FRMPD4: variants seen among roughly 807,000 people sequenced by gnomAD.
FRMPD4 encodes the protein FERM and PDZ domain-containing protein 4.
FRMPD4 carries 22 observed loss-of-function variants against 94.1 expected under a neutral mutation model. The observed-to-expected ratio is 0.23, with a 90% CI of 0.17 to 0.33. FRMPD4 has a LOEUF of 0.33. FRMPD4 is among the 10% of genes least tolerant of loss of function. FRMPD4 has a pLI of 1.00. For synonymous variants in FRMPD4, 631 were observed against 548.6 expected (o/e 1.15, Z -2.10); for missense variants, 1,111 against 1,339.9 (o/e 0.83, Z 2.67).
At position 12,675,639 on chromosome X, in the gene FRMPD4, A is replaced by G. The variant is rs2059891716; in HGVS notation, c.468+731A>G. Among the ~76,000 whole-genome samples the G allele has an allele frequency of 2.7e-5, 3 of 111,044 alleles. 1 individual carries two copies. The highest frequency in any genetic ancestry group is 4.6e-3 in the Middle Eastern group (1 of 217). ...CACACTCAGTCCTAGGCAACCGCTA[A>G]TTTCCTTTCTATTTGTATAGACTTG... On this transcript the variant is annotated intron_variant, in intron 5 of 16. Transcript: ENST00000675598.
intron 4 of FRMPD4, among the ~76,000 whole-genome samples, chrX:12,640,296 C>CA (rs1157854116): frequency 0.52 from 12,236 of 23,624 alleles, 3,742 homozygotes; most frequent in Non-Finnish European, 0.63. Context: ...GAGGCTGTCT[C>CA]AAAAAAAAAA....
intron 3 of FRMPD4, among the ~76,000 whole-genome samples, chrX:11,901,167 G>C (rs767224797): frequency 3.6e-5 from 4 of 111,397 alleles, no homozygotes; most frequent in Non-Finnish European, 7.5e-5. Flanking sequence ...AAGTTCAGTG[G>C]TTATTTGTGA....
intron 3 of FRMPD4, among the ~76,000 whole-genome samples, chrX:11,950,094 G>C (rs1223915553): frequency 3.6e-5 from 4 of 111,170 alleles, no homozygotes; most frequent in Non-Finnish European, 7.5e-5. Context: ...TTGGATCATG[G>C]GGATGTTTTT....
chrX:12,569,577 A>G (rs142275867), intron 2 of FRMPD4, among the ~76,000 whole-genome samples: 4,499 of 111,933 alleles, frequency 0.04, 216 homozygotes, highest in African/African-American at 0.14. Context: ...AAATAGTTTT[A>G]AAAAACCACA....
At chrX:12,221,800 G>T (rs2056871417) in intron 1 of FRMPD4, among the ~76,000 whole-genome samples, 1 of 111,868 alleles carries the variant, frequency 8.9e-6, no homozygotes, top group Admixed American at 9.5e-5. Context: ...GCTGGGTGGA[G>T]ATGCCTGTGC....
At chrX:12,464,440 T>G (rs1158363667) in intron 1 of FRMPD4, among the ~76,000 whole-genome samples, 2 of 112,623 alleles carry the variant, frequency 1.8e-5, no homozygotes, top group African/African-American at 6.4e-5. Flanking sequence ...TCTACTGTTG[T>G]CCTTTTACCA....
At chrX:12,128,013 G>A (rs1264339129) in intron 3 of FRMPD4, among the ~76,000 whole-genome samples, 2 of 112,773 alleles carry the variant, frequency 1.8e-5, no homozygotes, top group Admixed American at 1.9e-4. Context: ...GCTTTGCAAG[G>A]CACAGCCACC....
At chrX:11,926,773 G>A (rs2054091073) in intron 3 of FRMPD4, among the ~76,000 whole-genome samples, 1 of 111,289 alleles carries the variant, frequency 9.0e-6, no homozygotes, top group Non-Finnish European at 1.9e-5. Flanking sequence ...TAACAGCCAC[G>A]TAGGACAAAC....
intron 1 of FRMPD4, among the ~76,000 whole-genome samples, chrX:12,265,485 G>A (rs1376465242): frequency 8.9e-6 from 1 of 111,923 alleles, no homozygotes; most frequent in Non-Finnish European, 1.9e-5. Context: ...ATGACAGTGA[G>A]CCTTTTCTAG....
rs1410198641 is a variant in FRMPD4 at position 12,230,998 on chromosome X, A to G, written c.41+91986A>G. 1.7e-4 allele frequency among the ~76,000 whole-genome samples: 10 copies of G among 59,022 alleles called. 1 individual carries two copies. The highest frequency in any genetic ancestry group is 6.2e-5 in the Non-Finnish European group (2 of 32,205). 51.3% of individuals were successfully genotyped at this position (59,022 alleles called of 115,157 possible). A position where few individuals can be genotyped will look rare whatever the true frequency, so the allele number is the denominator to read the frequency against. On this transcript the variant is annotated intron_variant, in intron 1 of 16. Transcript: ENST00000675598. ...GTAATATATATAGTATATATAGTATATATAATATATAGTATATATAGTATA... is the reference window on the plus strand; with the variant it reads ...GTAATATATATAGTATATATAGTATGTATAATATATAGTATATATAGTATA...
At chrX:11,950,223 G>A (rs944972565) in intron 3 of FRMPD4, among the ~76,000 whole-genome samples, 1 of 111,971 alleles carries the variant, frequency 8.9e-6, no homozygotes, top group Non-Finnish European at 1.9e-5. Context: ...GAAGGTGCCT[G>A]CTTCTCCTTT....
At chrX:11,961,172 G>C (rs1441036263) in intron 3 of FRMPD4, among the ~76,000 whole-genome samples, 4 of 111,998 alleles carry the variant, frequency 3.6e-5, no homozygotes, top group African/African-American at 1.3e-4. Flanking sequence ...AAACCCTGAA[G>C]CTGGGCCTAC....
At chrX:12,286,483 A>G (rs998546511) in intron 1 of FRMPD4, among the ~76,000 whole-genome samples, 2 of 111,967 alleles carry the variant, frequency 1.8e-5, no homozygotes, top group African/African-American at 6.5e-5. Flanking sequence ...GAATTCTATG[A>G]TTTCTGTGAT....
chrX:11,877,622 T>A (rs1233502683), intron 2 of FRMPD4, among the ~76,000 whole-genome samples: 1 of 112,031 alleles, frequency 8.9e-6, no homozygotes, highest in Non-Finnish European at 1.9e-5. Flanking sequence ...AAATAAGTAG[T>A]CTGTACATCT....
chrX:12,106,451 T>G (rs2177931), intron 3 of FRMPD4, among the ~76,000 whole-genome samples: 25,169 of 109,588 alleles, frequency 0.23, 2,175 homozygotes, highest in South Asian at 0.37. Context: ...TAGGAACAGC[T>G]CCAGTCTACA....
At chrX:11,869,747 A>G (rs759764430) in intron 2 of FRMPD4, among the ~76,000 whole-genome samples, 6 of 111,943 alleles carry the variant, frequency 5.4e-5, no homozygotes, top group African/African-American at 1.9e-4. Context: ...CTGGTTTAGG[A>G]AGAAAACTCT....
At chrX:12,645,084 T>C (rs934497285) in intron 4 of FRMPD4, among the ~76,000 whole-genome samples, 2 of 111,392 alleles carry the variant, frequency 1.8e-5, no homozygotes, top group African/African-American at 6.5e-5. Context: ...AAAGGAACCA[T>C]TAATGTGTGT....
intron 3 of FRMPD4, among the ~76,000 whole-genome samples, chrX:11,982,036 C>T (rs150828964): frequency 0.012 from 1,295 of 111,944 alleles, 6 homozygotes; most frequent in Non-Finnish European, 0.017. Flanking sequence ...AAATTTCTTA[C>T]TACTTTTTTC....
At chrX:11,945,874 C>T (rs1387100912) in intron 3 of FRMPD4, among the ~76,000 whole-genome samples, 1 of 111,884 alleles carries the variant, frequency 8.9e-6, no homozygotes, top group African/African-American at 3.3e-5. Context: ...GACAAATATC[C>T]AAACCATATC....
Sources: allele counts gnomAD v4.1 joint callset (sites outside exome capture counted in the v4.1 genomes callset), GRCh38; gene constraint gnomAD v4.1.1; transcripts MANE v1.5; gene names NCBI Gene and HGNC (gene_info 2026-07-23, HGNC 2026-07-21).